Variants in GCC2 observed in about 807,000 individuals in gnomAD.
GCC2 encodes GRIP and coiled-coil domain-containing protein 2.
GCC2 carries 120 observed loss-of-function variants against 210.6 expected under a neutral mutation model. The observed-to-expected ratio is 0.57, with a 90% CI of 0.49 to 0.66. The LOEUF (loss-of-function observed/expected upper bound fraction) is 0.66, where lower values mean the gene tolerates loss of function less well. Ranked by LOEUF, GCC2 falls within the 30% of genes least tolerant of loss-of-function variation. GCC2 has a pLI of 0.00. For missense variants in GCC2, 1,868 were observed against 1,871.9 expected (o/e 1.00, Z 0.04); for synonymous variants, 703 against 652.7 (o/e 1.08, Z -1.17).
chr2:108,482,149 A>G (rs1432790984), intron 10 of GCC2, 138 bp from the exon 11 acceptor site: 1 of 590,482 alleles, frequency 1.7e-6, no homozygotes, highest in East Asian at 2.8e-5. Context: ...GATTCTTAAT[A>G]TTATCGTTCT....
At chr2:108,454,193 C>T (rs1027957522) in intron 4 of GCC2, among the ~76,000 whole-genome samples, 14 of 152,184 alleles carry the variant, frequency 9.2e-5, no homozygotes, top group Non-Finnish European at 1.3e-4. Flanking sequence ...GGTTTCACCA[C>T]GTTAGCCAGG....
chr2:108,497,182 T>G (rs1334470875), intron 21 of GCC2, 73 bp downstream of exon 21: 24 of 1,608,510 alleles, frequency 1.5e-5, no homozygotes, highest in Non-Finnish European at 1.8e-5. Context: ...ACATGCACGA[T>G]CTCAGCTCAC....
chr2:108,474,652 ATTTT>A (rs1558743661), intron 7 of GCC2: 3 of 152,130 alleles, frequency 2.0e-5, no homozygotes, highest in African/African-American at 4.8e-5. Flanking sequence ...GTGTGGTTTA[ATTTT>A]TTATTTTATG....
chr2:108,481,723 G>A lies in GCC2; in HGVS notation c.3087G>A (p.Gln1029=). The A allele has an allele frequency of 6.2e-7, 1 of 1,600,394 alleles. No homozygotes were observed. The highest frequency in any genetic ancestry group is 8.5e-7 in the Non-Finnish European group (1 of 1,172,548). The change falls in exon 10 of 23, where the codon CAG becomes CAA. Residue 1029 remains glutamine (Q), a synonymous_variant. Transcript: ENST00000309863. ...YKNLLLEYEK[Q]SEQLDVEKER... ...ATCTTTTATTAGAATATGAAAAGCA[G>A]TCAGAGCAACTGGATGTGGAAAAAG...
At chr2:108,487,609 C>A in intron 16 of GCC2, 90 bp from the exon 17 acceptor site, 1 of 1,214,388 alleles carries the variant, frequency 8.2e-7, no homozygotes, top group Non-Finnish European at 1.1e-6. Context: ...TTTTCAAAAA[C>A]AGGTTTTTAT....
chr2:108,454,303 T>C (rs1484381497), intron 4 of GCC2, among the ~76,000 whole-genome samples: 2 of 152,216 alleles, frequency 1.3e-5, no homozygotes, highest in East Asian at 3.8e-4. Context: ...TTATATATTA[T>C]CTTATTTTCT....
intron 22 of GCC2, among the ~76,000 whole-genome samples, chr2:108,501,130 G>T (rs530929795): frequency 6.7e-6 from 1 of 150,346 alleles, no homozygotes; most frequent in East Asian, 1.9e-4. Flanking sequence ...CCAGCAGCTG[G>T]GACTACAGAT....
At position 108,498,183 on chromosome 2, in the gene GCC2, C is replaced by CTTT. The variant is rs3084885; in HGVS notation, c.4782+1102_4782+1104dup. ...ATGACTTATTTAAATGTTATATTTT[C>CTTT]TTTTTTTTTTTTTTTTTTTTTTTTT... On this transcript the variant is annotated intron_variant, in intron 21 of 22. Transcript: ENST00000309863. Among the ~76,000 whole-genome samples the CTTT allele has an allele frequency of 4.3e-3, 246 of 57,506 alleles. 42 individuals carry two copies. Among genetic ancestry groups the CTTT allele is most frequent in the African/African-American group, 7.6e-3 (104 of 13,656 alleles). 37.7% of individuals were successfully genotyped at this position (57,506 alleles called of 152,430 possible). A position where few individuals can be genotyped will look rare whatever the true frequency, so the allele number is the denominator to read the frequency against.
At chr2:108,455,504 T>A (rs1680210716) in intron 4 of GCC2, among the ~76,000 whole-genome samples, 1 of 152,048 alleles carries the variant, frequency 6.6e-6, no homozygotes, top group Non-Finnish European at 1.5e-5. Context: ...TTTTCCTTCT[T>A]TTTTTTTCCT....
At chr2:108,479,419 T>C (rs1681719230) in intron 9 of GCC2, among the ~76,000 whole-genome samples, 1 of 152,108 alleles carries the variant, frequency 6.6e-6, no homozygotes, top group Admixed American at 6.5e-5. Flanking sequence ...GGCAGGCAGA[T>C]TGCCTGAGCT....
rs2104452156 is a variant in GCC2 at position 108,471,422 on chromosome 2, G to A, written c.2093G>A (p.Ser698Asn). The A allele has an allele frequency of 6.2e-7, 1 of 1,606,242 alleles. No homozygotes were observed. The highest frequency in any genetic ancestry group is 2.2e-5 in the East Asian group (1 of 44,760). Reference sequence around the variant, plus strand: ...CTTTATGAGGAAAACAATAAACTCAGTTCAGAAAAAAAACAGTTGAGTAGG... The same window carrying A: ...CTTTATGAGGAAAACAATAAACTCAATTCAGAAAAAAAACAGTTGAGTAGG... Reference protein sequence around the residue: ...KSLYEENNKLSSEKKQLSRDL... With the variant: ...KSLYEENNKLNSEKKQLSRDL... The change falls in exon 6 of 23, where the codon AGT (serine) becomes AAT (asparagine). Residue 698 changes from serine (S) to asparagine (N), a missense_variant. Coordinates refer to ENST00000309863, the MANE Select transcript of GCC2 (RefSeq NM_181453.4).
At chr2:108,452,972 G>A (rs1157108342) in intron 4 of GCC2, among the ~76,000 whole-genome samples, 6 of 152,142 alleles carry the variant, frequency 3.9e-5, no homozygotes, top group Admixed American at 1.3e-4. Flanking sequence ...GATTACAGGC[G>A]TGAGCCACCA....
chr2:108,490,115 T>TA (rs754776560), intron 18 of GCC2, 101 bp downstream of exon 18: 11 of 838,966 alleles, frequency 1.3e-5, no homozygotes, highest in African/African-American at 8.7e-5. Flanking sequence ...GATTAGAAAA[T>TA]AAAAAATAGA....
rs1163590196 is a variant in GCC2, at chr2:108,469,074, A to C, written c.311A>C (p.Gln104Pro). ...AAAAAGGAAAATATAAAAATGAAGC[A>C]AGAGGTTGAGGTAAGTCAATATTTT... ...SLKKENIKMK[Q>P]EVEDSVTKMG... Residue 104 changes from glutamine to proline, a missense_variant, in exon 5 of 23, where the codon CAA (glutamine) becomes CCA (proline). Transcript: ENST00000309863. 1.3e-6 allele frequency: 2 copies of C among 1,594,122 alleles called. No homozygotes were observed. Among genetic ancestry groups the C allele is most frequent in the Middle Eastern group, 1.7e-4 (1 of 6,020 alleles).
chr2:108,470,243 C>T lies in GCC2; in HGVS notation c.914C>T (p.Ala305Val). The part of the protein sequence containing the change: ...YECELENLRK[A>V]TSNANQDNQI... ...TGTGAGTTAGAAAATTTAAGGAAAGCCACCTCAAATGCAAACCAAGACAAT... is the reference window on the plus strand; with the variant it reads ...TGTGAGTTAGAAAATTTAAGGAAAGTCACCTCAAATGCAAACCAAGACAAT... The change falls in exon 6 of 23, where the codon GCC becomes GTC. Residue 305 changes from alanine (A) to valine (V), a missense_variant. This residue lies in a region of GCC2 where 1,847 missense variants were observed against 1,765.2 expected (regional missense o/e 1.05). Coordinates refer to ENST00000309863, the MANE Select transcript of GCC2 (RefSeq NM_181453.4). 6.2e-7 allele frequency: 1 copy of T among 1,613,244 alleles called. No homozygotes were observed. Among genetic ancestry groups the T allele is most frequent in the South Asian group, 1.1e-5 (1 of 90,940 alleles).
chr2:108,461,830 C>CTTTTT (rs1313525353), intron 4 of GCC2, among the ~76,000 whole-genome samples: 2,487 of 123,768 alleles, frequency 0.02, 130 homozygotes, highest in African/African-American at 0.031. Flanking sequence ...TTTTTTTTTT[C>CTTTTT]TTTTTCTTTT....
At chr2:108,488,097 G>T (rs770603472) in intron 17 of GCC2, among the ~76,000 whole-genome samples, 2 of 151,710 alleles carry the variant, frequency 1.3e-5, no homozygotes, top group Admixed American at 6.6e-5. Flanking sequence ...ATTAGAGACG[G>T]GGTTTCACCA....
chr2:108,492,454 T>C, intron 18 of GCC2, 119 bp from the exon 19 acceptor site: 2 of 677,214 alleles, frequency 3.0e-6, no homozygotes, highest in Non-Finnish European at 5.4e-6. Context: ...AGGAGAGAAG[T>C]TGATTCATAC....
At chr2:108,468,908 C>G (rs1196212255) in intron 4 of GCC2, 72 bp from the exon 5 acceptor site, 1 of 915,892 alleles carries the variant, frequency 1.1e-6, no homozygotes, top group Non-Finnish European at 1.8e-6. Flanking sequence ...TTGAAAAGGT[C>G]AGGAGATAAT....
Sources: allele counts gnomAD v4.1 joint callset (sites outside exome capture counted in the v4.1 genomes callset), GRCh38; gene constraint gnomAD v4.1.1; regional missense constraint gnomAD v4.1.1; transcripts MANE v1.5; gene names NCBI Gene and HGNC (gene_info 2026-07-23, HGNC 2026-07-21).